Variants in ADGRB1 observed in about 807,000 individuals in gnomAD.
ADGRB1 encodes the protein adhesion G protein-coupled receptor B1, also known as brain-specific angiogenesis inhibitor 1.
In ADGRB1, 36 loss-of-function variants were observed where a neutral mutation model predicts 175.7. The ratio of observed to expected loss-of-function variants is 0.20; its 90% CI spans 0.16 to 0.27. The LOEUF (loss-of-function observed/expected upper bound fraction) is 0.27. Ranked by LOEUF, ADGRB1 falls within the 10% of genes least tolerant of loss-of-function variation. ADGRB1 has a pLI of 1.00. For synonymous variants in ADGRB1, 1,054 were observed against 979.4 expected, an observed-to-expected ratio of 1.08 and a Z score of -1.42; for missense variants, 1,731 against 2,255.3, an observed-to-expected ratio of 0.77 and a Z score of 4.71.
intron 24 of ADGRB1, among the ~76,000 whole-genome samples, chr8:142,529,741 CAT>C (rs749015209): frequency 2.8e-5 from 4 of 143,376 alleles, no homozygotes; most frequent in South Asian, 2.4e-4. Context: ...ACCCAGTGTG[CAT>C]ATGTGTGAGT....
At chr8:142,526,503 G>GGCCCCCCCCCCCCCCCCCCCCC in intron 23 of ADGRB1, 39 bp from the exon 24 acceptor site, 5 of 1,259,236 alleles carry the variant, frequency 4.0e-6, no homozygotes, top group Non-Finnish European at 5.6e-6. Flanking sequence ...GCCTACGGCG[G>GGCCCCCCCCCCCCCCCCCCCCC]CCCCCACCCC....
At chr8:142,528,434 C>A (rs909747824) in intron 24 of ADGRB1, among the ~76,000 whole-genome samples, 3 of 152,176 alleles carry the variant, frequency 2.0e-5, no homozygotes, top group African/African-American at 7.2e-5. Context: ...CCTGTTGGGG[C>A]CCAGGCTGGA....
intron 19 of ADGRB1, among the ~76,000 whole-genome samples, chr8:142,520,296 T>C (rs547799599): frequency 1.3e-5 from 2 of 149,802 alleles, no homozygotes; most frequent in African/African-American, 4.9e-5. Context: ...GTGATGATGA[T>C]AGTGGTGCTG....
intron 24 of ADGRB1, among the ~76,000 whole-genome samples, chr8:142,527,751 G>T (rs1305215069): frequency 6.6e-6 from 1 of 152,236 alleles, no homozygotes; most frequent in Non-Finnish European, 1.5e-5. Flanking sequence ...TGCCTACCTG[G>T]TCGTAAAAGC....
intron 16 of ADGRB1, 50 bp downstream of exon 16, chr8:142,489,488 G>T (rs755995386): frequency 6.4e-7 from 1 of 1,573,658 alleles, no homozygotes; most frequent in Non-Finnish European, 8.7e-7. Context: ...ACGCGTGTGC[G>T]CGAATTCTGT....
chr8:142,474,305 TC>T lies in ADGRB1; in HGVS notation c.785-1165del, dbSNP rs1404495974. ...GATCGAGCTGCCGGATCCCCAGTGT[TC>T]CCCAGTGGCAGCGGCCCCAGCTCCA... On this transcript the variant is annotated intron_variant, in intron 2 of 30. Transcript: ENST00000517894. The surrounding 1 kb of genome is among the most constrained non-coding windows in gnomAD (Gnocchi z 5.8). Among the ~76,000 whole-genome samples the T allele has an allele frequency of 6.6e-6, 1 of 152,102 alleles. No homozygotes were observed. Among genetic ancestry groups the T allele is most frequent in the African/African-American group, 2.4e-5 (1 of 41,400 alleles).
intron 24 of ADGRB1, among the ~76,000 whole-genome samples, chr8:142,529,179 T>C (rs1671731339): frequency 6.6e-6 from 1 of 151,916 alleles, no homozygotes; most frequent in Non-Finnish European, 1.5e-5. Flanking sequence ...AGCACACATG[T>C]GAGAGCATGG....
chr8:142,469,603 G>T (rs1389782063), intron 2 of ADGRB1, among the ~76,000 whole-genome samples: 4 of 148,054 alleles, frequency 2.7e-5, no homozygotes, highest in African/African-American at 1.0e-4. Context: ...GTGTGTGCAC[G>T]TGCATGTGTG....
intron 1 of ADGRB1, among the ~76,000 whole-genome samples, chr8:142,451,669 C>T (rs1028680497): frequency 1.3e-5 from 2 of 152,158 alleles, no homozygotes; most frequent in Non-Finnish European, 2.9e-5. Context: ...ACACACGCCC[C>T]CTCGGAGCGA....
chr8:142,499,586 G>C (rs1347059331), intron 17 of ADGRB1, among the ~76,000 whole-genome samples: 1 of 152,192 alleles, frequency 6.6e-6, no homozygotes, highest in African/African-American at 2.4e-5. Flanking sequence ...GCCCAGAGGC[G>C]GAGTGCCGCG....
At chr8:142,480,760 TG>T (rs897045118) in intron 9 of ADGRB1, among the ~76,000 whole-genome samples, 1 of 152,220 alleles carries the variant, frequency 6.6e-6, no homozygotes, top group Non-Finnish European at 1.5e-5. Context: ...GATGATGTCC[TG>T]GGAGTGAGCT....
intron 1 of ADGRB1, among the ~76,000 whole-genome samples, chr8:142,453,791 G>A (rs56255717): frequency 5.3e-5 from 8 of 152,346 alleles, no homozygotes; most frequent in Non-Finnish European, 1.2e-4. Flanking sequence ...TCTGGGGAGT[G>A]CAAGAAGGCA....
intron 27 of ADGRB1, among the ~76,000 whole-genome samples, chr8:142,541,209 G>T (rs987775297): frequency 2.6e-5 from 4 of 152,074 alleles, no homozygotes; most frequent in Non-Finnish European, 5.9e-5. Flanking sequence ...AGGGGCAGGC[G>T]GCTGGGTCAG....
In ADGRB1 at chr8:142,482,389, T is replaced by G. The variant is rs180767116; in HGVS notation, c.2130+678T>G. Among the ~76,000 whole-genome samples, 8 of 126,744 alleles carry G rather than the reference T, an allele frequency of 6.3e-5. No homozygotes were observed. The Admixed American group carries it at 6.4e-4, about 10-fold the overall frequency. 83.1% of individuals were successfully genotyped at this position (126,744 alleles called of 152,430 possible). On this transcript the variant is annotated intron_variant, in intron 11 of 30. Transcript: ENST00000517894. ...GGTCACACTGAGCCCTGATTCTGGT[T>G]ACACTCAGAACCCTGACACTGGTCA...
At chr8:142,502,420 ATGGTGGTGGTGGTGGTAGTGG>A (rs1842646077) in intron 17 of ADGRB1, among the ~76,000 whole-genome samples, 3 of 2,130 alleles carry the variant, frequency 1.4e-3, no homozygotes, top group African/African-American at 5.8e-3. Context: ...GGTGGTGGTG[ATGGTGGTGGTGGTGGTAGTGG>A]TGGTGATGAT....
Position 142,542,472 on chromosome 8 carries a change from C to A in ADGRB1, c.4238C>A (p.Pro1413Gln). 7.9e-7 allele frequency: 1 copy of A among 1,267,986 alleles called. No homozygotes were observed. The highest frequency in any genetic ancestry group is 1.6e-5 in the African/African-American group (1 of 61,664). The allele number at this position is 1,267,986 out of a possible 1,614,324, so 78.5% of individuals were successfully genotyped here. A position where few individuals can be genotyped will look rare whatever the true frequency, so the allele number is the denominator to read the frequency against. The change falls in exon 28 of 31, where the codon CCG becomes CAG. Residue 1413 changes from proline (P) to glutamine (Q), a missense_variant. Physicochemically the swap from Pro to Gln is moderately conservative, Grantham distance 76. Around this residue, in one of 8 missense-constraint regions of ADGRB1, gnomAD observed 394 missense variants for 410.2 expected, o/e 0.96. Coordinates refer to ENST00000517894, the MANE Select transcript of ADGRB1 (RefSeq NM_001702.3). The surrounding 1 kb of genome is among the most constrained non-coding windows in gnomAD (Gnocchi z 6.3). ...GAGGCACCCCCTGCCCAGCCCCCAC[C>A]GCCTCCGCCCCCACCGCCACCACCT... ...PPEAPPAQPP[P>Q]PPPPPPPPPQ...
At chr8:142,470,231 C>T (rs1840583937) in intron 2 of ADGRB1, among the ~76,000 whole-genome samples, 1 of 152,256 alleles carries the variant, frequency 6.6e-6, no homozygotes. Flanking sequence ...ACTTCCTCCC[C>T]ACTGCCTCCC....
At chr8:142,459,441 G>A (rs1426484169) in intron 1 of ADGRB1, among the ~76,000 whole-genome samples, 2 of 152,162 alleles carry the variant, frequency 1.3e-5, no homozygotes, top group Non-Finnish European at 2.9e-5. Context: ...CCCCAGGGTG[G>A]AGCCATTGTT....
chr8:142,543,773 C>T lies in ADGRB1; in HGVS notation c.4557+65C>T, dbSNP rs1845427758. Reference sequence around the variant, plus strand: ...AGGTCAGGCCACCGTCTCCCTTCTTCCCTGGATTTGTGCACTTCATCCATC... The same window carrying T: ...AGGTCAGGCCACCGTCTCCCTTCTTTCCTGGATTTGTGCACTTCATCCATC... On this transcript the variant is annotated intron_variant, in intron 30 of 30. Transcript: ENST00000517894. The surrounding 1 kb of genome is among the most constrained non-coding windows in gnomAD (Gnocchi z 4.4). 1.4e-6 allele frequency: 2 copies of T among 1,417,256 alleles called. No individual in the cohort carries two copies. Among genetic ancestry groups the T allele is most frequent in the African/African-American group, 1.4e-5 (1 of 70,140 alleles). The allele number at this position is 1,417,256 out of a possible 1,614,324, so 87.8% of individuals were successfully genotyped here. A position where few individuals can be genotyped will look rare whatever the true frequency, so the allele number is the denominator to read the frequency against.
Sources: gnomAD v4.1 joint callset for allele counts (sites outside exome capture counted in the v4.1 genomes callset) on GRCh38, gnomAD v4.1.1 for gene constraint, gnomAD v4.1.1 regional missense constraint, Gnocchi (gnomAD v3.1) non-coding constraint, MANE v1.5 for transcripts, NCBI Gene and HGNC (gene_info 2026-07-23, HGNC 2026-07-21) for gene names.